NAALADL2: variants seen among roughly 807,000 people sequenced by gnomAD.
NAALADL2 encodes inactive N-acetylated-alpha-linked acidic dipeptidase-like protein 2.
In NAALADL2, 76 loss-of-function variants were observed where a neutral mutation model predicts 87.2. That is an observed-to-expected ratio of 0.87 (90% CI 0.72 to 1.05). NAALADL2 has a LOEUF of 1.05. NAALADL2 is among the 50% of genes least tolerant of loss of function. NAALADL2 has a pLI of 0.00. For missense variants in NAALADL2, 1,089 were observed against 945.8 expected, an observed-to-expected ratio of 1.15 and a Z score of -1.99; for synonymous variants, 354 against 331.0, an observed-to-expected ratio of 1.07 and a Z score of -0.75.
At chr3:174,832,705 A>T (rs888793850) in intron 3 of NAALADL2, among the ~76,000 whole-genome samples, 1 of 152,152 alleles carries the variant, frequency 6.6e-6, no homozygotes, top group Admixed American at 6.5e-5. Context: ...TGACGTCGTG[A>T]TCCGCCCGCC....
chr3:174,682,001 G>C (rs1255665383), intron 2 of NAALADL2, among the ~76,000 whole-genome samples: 1 of 152,122 alleles, frequency 6.6e-6, no homozygotes, highest in African/African-American at 2.4e-5. Flanking sequence ...TGGTAGCCAG[G>C]CAGTACTCAC....
chr3:175,448,422 T>A (rs1721030724), intron 6 of NAALADL2, among the ~76,000 whole-genome samples: 1 of 152,204 alleles, frequency 6.6e-6, no homozygotes. Context: ...AAAATAATAG[T>A]GTAGTTGTAA....
rs372099377 is a variant in NAALADL2 at position 175,466,981 on chromosome 3, C to A, written c.1330C>A (p.Arg444=). ...CTCTTGTCCCTTTCTATTTTCAGAC[C>A]GGTATATCATAGTTGGCAGCCATCA... ...GFVMGLTSPD[R]YIIVGSHHHT... Residue 444 remains arginine, a splice_region_variant and synonymous_variant, in exon 8 of 14, where the codon CGG becomes AGG. Coordinates refer to ENST00000454872, the MANE Select transcript of NAALADL2 (RefSeq NM_207015.3). 1.9e-6 allele frequency: 3 copies of A among 1,608,430 alleles called. No individual in the cohort carries two copies. The highest frequency in any genetic ancestry group is 1.7e-5 in the Admixed American group (1 of 59,948).
At chr3:175,645,118 T>A (rs531437686) in intron 11 of NAALADL2, among the ~76,000 whole-genome samples, 15 of 144,380 alleles carry the variant, frequency 1.0e-4, no homozygotes, top group South Asian at 2.1e-4. Flanking sequence ...GAAGCTGTAT[T>A]TTTTTTTTTT....
chr3:174,453,953 G>C (rs766020013), intron 1 of NAALADL2, among the ~76,000 whole-genome samples: 10 of 152,074 alleles, frequency 6.6e-5, no homozygotes, highest in Non-Finnish European at 1.3e-4. Flanking sequence ...TCAATTAAAA[G>C]GCACAGAGTT....
intron 9 of NAALADL2, among the ~76,000 whole-genome samples, chr3:175,517,819 C>T (rs1465905793): frequency 6.6e-6 from 1 of 152,130 alleles, no homozygotes; most frequent in Non-Finnish European, 1.5e-5. Flanking sequence ...CAGCCCGTGG[C>T]GGAGTACACC....
intron 11 of NAALADL2, among the ~76,000 whole-genome samples, chr3:175,644,307 A>G (rs1459185515): frequency 6.6e-6 from 1 of 152,012 alleles, no homozygotes; most frequent in Non-Finnish European, 1.5e-5. Flanking sequence ...TAGTTTGCCA[A>G]TATCTTTATG....
At chr3:175,736,292 GTATT>G (rs1489739915) in intron 11 of NAALADL2, among the ~76,000 whole-genome samples, 5 of 152,192 alleles carry the variant, frequency 3.3e-5, no homozygotes, top group South Asian at 4.1e-4. Flanking sequence ...TTTAAAATTT[GTATT>G]TATTTATTTT....
chr3:175,558,733 T>C (rs1165272847), intron 9 of NAALADL2, among the ~76,000 whole-genome samples: 1 of 152,210 alleles, frequency 6.6e-6, no homozygotes, highest in East Asian at 1.9e-4. Context: ...GATTTTACTG[T>C]ATATGTATGA....
chr3:174,493,454 A>G (rs1718327570), intron 1 of NAALADL2, among the ~76,000 whole-genome samples: 1 of 152,230 alleles, frequency 6.6e-6, no homozygotes, highest in Non-Finnish European at 1.5e-5. Context: ...AACAAATTCA[A>G]TGTAAGTTAT....
chr3:175,623,945 GA>G (rs11457454), intron 10 of NAALADL2, among the ~76,000 whole-genome samples: 19 of 148,370 alleles, frequency 1.3e-4, no homozygotes, highest in South Asian at 6.4e-4. Context: ...AGGTGTAAAT[GA>G]AAAAAAAAAT....
chr3:175,682,859 T>TA (rs1221955663), intron 11 of NAALADL2, among the ~76,000 whole-genome samples: 2 of 152,062 alleles, frequency 1.3e-5, no homozygotes, highest in African/African-American at 4.8e-5. Context: ...TATTCTTTTA[T>TA]AAAAAAGTTA....
intron 1 of NAALADL2, among the ~76,000 whole-genome samples, chr3:174,944,945 TGATGAGTACTG>T (rs1322316004): frequency 6.6e-6 from 1 of 152,156 alleles, no homozygotes; most frequent in Non-Finnish European, 1.5e-5. Flanking sequence ...GATTAGTCCT[TGATGAGTACTG>T]GATGTTTCAG....
At chr3:175,182,559 T>TTTG (rs1736736344) in intron 2 of NAALADL2, among the ~76,000 whole-genome samples, 1 of 101,268 alleles carries the variant, frequency 9.9e-6, no homozygotes, top group Admixed American at 1.0e-4. Context: ...AGTTTTTTTT[T>TTTG]TTTTTTTTTT....
At chr3:175,173,337 T>G (rs892215401) in intron 2 of NAALADL2, among the ~76,000 whole-genome samples, 5 of 150,488 alleles carry the variant, frequency 3.3e-5, no homozygotes, top group Non-Finnish European at 5.9e-5. Context: ...AATAAATAAA[T>G]AAATAAATAA....
At chr3:175,198,696 T>C (rs184678036) in intron 2 of NAALADL2, among the ~76,000 whole-genome samples, 219 of 152,144 alleles carry the variant, frequency 1.4e-3, no homozygotes, top group Middle Eastern at 3.4e-3. Flanking sequence ...CACAGCTTTC[T>C]AGGCTGAAAC....
chr3:175,598,657 A>ATGT (rs1722563410), intron 10 of NAALADL2, among the ~76,000 whole-genome samples: 1 of 152,096 alleles, frequency 6.6e-6, no homozygotes, highest in African/African-American at 2.4e-5. Flanking sequence ...AGGTCTTCAA[A>ATGT]TGTTAAAGCA....
At chr3:174,503,035 A>T (rs1279584245) in intron 1 of NAALADL2, among the ~76,000 whole-genome samples, 1 of 150,548 alleles carries the variant, frequency 6.6e-6, no homozygotes, top group Non-Finnish European at 1.5e-5. Context: ...CTGAAAAAAA[A>T]AAAAACCTCT....
intron 9 of NAALADL2, among the ~76,000 whole-genome samples, chr3:175,528,407 T>G (rs1733694088): frequency 6.6e-6 from 1 of 152,112 alleles, no homozygotes; most frequent in African/African-American, 2.4e-5. Context: ...ATATTCTAGC[T>G]GTGCTGGCAG....
Sources: gnomAD v4.1 joint callset for allele counts (sites outside exome capture counted in the v4.1 genomes callset) on GRCh38, gnomAD v4.1.1 for gene constraint, MANE v1.5 for transcripts, NCBI Gene and HGNC (gene_info 2026-07-23, HGNC 2026-07-21) for gene names.